TBC1D12: variants seen among roughly 807,000 people sequenced by gnomAD.
The protein encoded by TBC1D12 is TBC1 domain family member 12.
TBC1D12 carries 56 observed loss-of-function variants against 86.7 expected under a neutral mutation model. The ratio of observed to expected loss-of-function variants is 0.65; its 90% CI spans 0.52 to 0.81. TBC1D12 has a LOEUF of 0.81. Ranked by LOEUF, TBC1D12 falls within the 30% of genes least tolerant of loss-of-function variation. The pLI, the probability that TBC1D12 is intolerant of heterozygous loss-of-function variation, is 0.00. For missense variants in TBC1D12, 1,023 were observed against 1,038.8 expected (o/e 0.98, Z 0.21); for synonymous variants, 421 against 411.7 (o/e 1.02, Z -0.27).
chr10:94,486,702 C>A lies in TBC1D12; in HGVS notation c.1212-6663C>A, dbSNP rs2056167723. 3.3e-5 allele frequency among the ~76,000 whole-genome samples: 5 copies of A among 151,906 alleles called. No homozygotes were observed. The South Asian group carries it at 1.0e-3, about 32-fold the overall frequency. ...TCTCATTTTTTTGAATGTTTTAAGA[C>A]TTGGTTTGTTTTTAACTAAGGAAGC... is the stretch of plus-strand genomic sequence containing the variant. On this transcript the variant is annotated intron_variant, in intron 3 of 12. Transcript: ENST00000225235.
Position 94,507,444 on chromosome 10 carries a change from A to G in TBC1D12, c.1600+97A>G, listed in dbSNP as rs925904181. 4.2e-5 allele frequency: 46 copies of G among 1,090,442 alleles called. No individual in the cohort carries two copies. The Middle Eastern group carries it at 1.0e-3, about 25-fold the overall frequency. The allele number at this position is 1,090,442 out of a possible 1,614,324, so 67.5% of individuals were successfully genotyped here. ...GTAATCGCTTTACATATATCATCTT[A>G]TTTAATCTTAACCCTTTCAGTAAAC... is the stretch of plus-strand genomic sequence containing the variant. On this transcript the variant is annotated intron_variant, in intron 7 of 12. Coordinates refer to ENST00000225235, the MANE Select transcript of TBC1D12 (RefSeq NM_015188.2).
At chr10:94,487,210 G>A (rs1004208464) in intron 3 of TBC1D12, among the ~76,000 whole-genome samples, 4 of 148,768 alleles carry the variant, frequency 2.7e-5, no homozygotes, top group African/African-American at 9.8e-5. Flanking sequence ...TATAGGTGAA[G>A]GGTGTTTCTT....
chr10:94,523,065 A>AGCTGGGTGTAGTCGCTGTAC, intron 11 of TBC1D12, among the ~76,000 whole-genome samples: 1 of 140,346 alleles, frequency 7.1e-6, no homozygotes, highest in African/African-American at 2.6e-5. Context: ...AAAAAAAAAG[A>AGCTGGGTGTAGTCGCTGTAC]ACTTAGCTGG....
At chr10:94,519,503 G>A (rs1842085028) in intron 9 of TBC1D12, among the ~76,000 whole-genome samples, 1 of 152,062 alleles carries the variant, frequency 6.6e-6, no homozygotes, top group Non-Finnish European at 1.5e-5. Context: ...ACCAGCCTGG[G>A]CAACATAGGA....
chr10:94,406,555 T>C (rs769075233), intron 1 of TBC1D12, among the ~76,000 whole-genome samples: 4 of 152,214 alleles, frequency 2.6e-5, no homozygotes, highest in South Asian at 2.1e-4. Context: ...ACCATTCAGA[T>C]TGGGTTGAAT....
chr10:94,427,238 A>G (rs916242765), intron 1 of TBC1D12, among the ~76,000 whole-genome samples: 3 of 152,186 alleles, frequency 2.0e-5, no homozygotes, highest in Non-Finnish European at 4.4e-5. Flanking sequence ...GTTAAAAGGT[A>G]TCTTACCTTC....
At chr10:94,520,746 G>A (rs1332331760) in intron 9 of TBC1D12, among the ~76,000 whole-genome samples, 5 of 151,180 alleles carry the variant, frequency 3.3e-5, no homozygotes, top group Non-Finnish European at 7.4e-5. Flanking sequence ...TGCAAGCTCC[G>A]CCTCCCAGGT....
intron 2 of TBC1D12, among the ~76,000 whole-genome samples, chr10:94,474,093 A>C (rs1478880559): frequency 1.3e-5 from 2 of 152,162 alleles, no homozygotes; most frequent in Non-Finnish European, 2.9e-5. Context: ...TCTTCAGAGC[A>C]ATACAGTGGC....
chr10:94,477,325 A>G (rs1325077299), intron 3 of TBC1D12, among the ~76,000 whole-genome samples: 1 of 152,198 alleles, frequency 6.6e-6, no homozygotes, highest in African/African-American at 2.4e-5. Flanking sequence ...ACATTTATGT[A>G]ACTAAAACAA....
intron 9 of TBC1D12, among the ~76,000 whole-genome samples, chr10:94,515,478 GC>G (rs1338803054): frequency 2.6e-4 from 40 of 152,000 alleles, no homozygotes; most frequent in Admixed American, 1.0e-3. Context: ...CTCCCAAGTA[GC>G]TGGGATTACA....
intron 1 of TBC1D12, among the ~76,000 whole-genome samples, chr10:94,437,933 T>TC (rs2055326491): frequency 6.8e-6 from 1 of 147,892 alleles, no homozygotes; most frequent in Admixed American, 6.7e-5. Flanking sequence ...CCCTTTATCC[T>TC]CCTTTATTAC....
At chr10:94,421,363 T>A (rs2134062716) in intron 1 of TBC1D12, among the ~76,000 whole-genome samples, 1 of 152,372 alleles carries the variant, frequency 6.6e-6, no homozygotes, top group East Asian at 1.9e-4. Flanking sequence ...CAGAATTTCC[T>A]AATTTAAAAA....
intron 1 of TBC1D12, among the ~76,000 whole-genome samples, chr10:94,439,022 T>A (rs955319721): frequency 6.6e-6 from 1 of 152,080 alleles, no homozygotes; most frequent in Non-Finnish European, 1.5e-5. Context: ...CAGGCTGGTC[T>A]CGAACTCCTG....
chr10:94,438,877 C>T (rs1226914561), intron 1 of TBC1D12, among the ~76,000 whole-genome samples: 10 of 151,866 alleles, frequency 6.6e-5, no homozygotes, highest in Admixed American at 5.9e-4. Flanking sequence ...GATCTCAGCT[C>T]ACTGCAACCT....
chr10:94,491,850 A>G (rs963436402), intron 3 of TBC1D12, among the ~76,000 whole-genome samples: 9 of 108,970 alleles, frequency 8.3e-5, no homozygotes, highest in African/African-American at 2.5e-4. Context: ...GACAATTCAG[A>G]TATGCCAAAG....
chr10:94,497,305 T>C (rs1454781888), intron 5 of TBC1D12, 133 bp downstream of exon 5: 2 of 387,152 alleles, frequency 5.2e-6, no homozygotes, highest in African/African-American at 4.4e-5. Context: ...TAGTTACATA[T>C]GTATACATGT....
In TBC1D12 at chr10:94,453,750, T is replaced by C. The variant is rs182556193; in HGVS notation, c.1095+11731T>C. 4.4e-3 allele frequency among the ~76,000 whole-genome samples: 672 copies of C among 152,342 alleles called. 5 individuals are homozygous for C. The highest frequency in any genetic ancestry group is 0.019 in the South Asian group (92 of 4,826). Reference sequence around the variant, plus strand: ...TCTAGGAGTTATATAGTTTTGTACTTTACATTTAGGTCTGTAAACCATTTT... The same window carrying C: ...TCTAGGAGTTATATAGTTTTGTACTCTACATTTAGGTCTGTAAACCATTTT... On this transcript the variant is annotated intron_variant, in intron 2 of 12. Transcript: ENST00000225235.
chr10:94,524,924 C>CA (rs575413631), intron 11 of TBC1D12, among the ~76,000 whole-genome samples: 149 of 152,026 alleles, frequency 9.8e-4, no homozygotes, highest in African/African-American at 3.4e-3. Flanking sequence ...CTCCTGGGCT[C>CA]AAGCATTCCT....
intron 9 of TBC1D12, among the ~76,000 whole-genome samples, chr10:94,514,316 AG>A (rs759861339): frequency 3.3e-5 from 5 of 152,174 alleles, no homozygotes; most frequent in African/African-American, 4.8e-5. Context: ...TTGAAGCTGT[AG>A]TAAGCCGAAA....
Sources: allele counts gnomAD v4.1 joint callset (sites outside exome capture counted in the v4.1 genomes callset), GRCh38; gene constraint gnomAD v4.1.1; transcripts MANE v1.5; gene names NCBI Gene and HGNC (gene_info 2026-07-23, HGNC 2026-07-21).